Variants in HPGDS observed in about 807,000 individuals in gnomAD.
The protein encoded by HPGDS is hematopoietic prostaglandin D synthase.
Under a neutral mutation model 23.1 loss-of-function variants are expected in HPGDS, and 26 were observed. That is an observed-to-expected ratio of 1.13 (90% CI 0.83 to 1.56). The LOEUF (loss-of-function observed/expected upper bound fraction) is 1.56. HPGDS is among the 40% of genes most tolerant of loss of function. The pLI, the probability that HPGDS is intolerant of heterozygous loss-of-function variation, is 0.00. For missense variants in HPGDS, 268 were observed against 236.4 expected (o/e 1.13, Z -0.88); for synonymous variants, 95 against 77.9 (o/e 1.22, Z -1.16).
intron 3 of HPGDS, among the ~76,000 whole-genome samples, chr4:94,310,411 T>C (rs1021701023): frequency 6.6e-6 from 1 of 152,208 alleles, no homozygotes; most frequent in Non-Finnish European, 1.5e-5. Context: ...TTCTTGTTTT[T>C]GTCAGGTTTG....
intron 3 of HPGDS, among the ~76,000 whole-genome samples, chr4:94,309,265 C>A (rs1002110951): frequency 1.5e-5 from 2 of 134,434 alleles, no homozygotes; most frequent in African/African-American, 5.6e-5. Flanking sequence ...TGCTATCCCT[C>A]CCGCCTCCCC....
chr4:94,314,029 A>C (rs1756339157), intron 3 of HPGDS, among the ~76,000 whole-genome samples: 1 of 152,102 alleles, frequency 6.6e-6, no homozygotes, highest in African/African-American at 2.4e-5. Flanking sequence ...TATTCTAGTT[A>C]GCCATTCATC....
chr4:94,304,779 A>AAAT (rs1756109591), intron 4 of HPGDS, among the ~76,000 whole-genome samples: 2 of 152,090 alleles, frequency 1.3e-5, no homozygotes, highest in African/African-American at 4.8e-5. Flanking sequence ...GTGGTATGTA[A>AAAT]GAGAGTTGTT....
At chr4:94,317,751 T>G in intron 3 of HPGDS, 122 bp downstream of exon 3, 1 of 567,618 alleles carries the variant, frequency 1.8e-6, no homozygotes, top group South Asian at 2.9e-5. Flanking sequence ...TACTTTTCTC[T>G]TATTTAATTC....
intron 2 of HPGDS, among the ~76,000 whole-genome samples, chr4:94,325,800 A>C (rs1756619337): frequency 6.6e-6 from 1 of 151,958 alleles, no homozygotes; most frequent in Non-Finnish European, 1.5e-5. Context: ...CCACTGACCA[A>C]CCTGTCCCAG....
rs1755973016 is a variant in HPGDS at position 94,298,678 on chromosome 4, C to T, written c.*802G>A. The T allele has an allele frequency of 6.6e-6, 1 of 152,188 alleles. No individual in the cohort carries two copies. Among genetic ancestry groups the T allele is most frequent in the South Asian group, 2.1e-4 (1 of 4,832 alleles). 9.4% of individuals were successfully genotyped at this position (152,188 alleles called of 1,614,324 possible). On this transcript the variant is annotated 3_prime_UTR_variant, in exon 6 of 6. Coordinates refer to ENST00000295256, the MANE Select transcript of HPGDS (RefSeq NM_014485.3). Reference sequence around the variant, plus strand: ...GCTTGTCTTCTCCTTCTCTTGATCTCTGGGGTATCTACATTTTTCTCATCA... The same window carrying T: ...GCTTGTCTTCTCCTTCTCTTGATCTTTGGGGTATCTACATTTTTCTCATCA...
chr4:94,326,462 A>G (rs778991272), intron 2 of HPGDS, among the ~76,000 whole-genome samples: 1 of 151,776 alleles, frequency 6.6e-6, no homozygotes, highest in Non-Finnish European at 1.5e-5. Context: ...CCTGTCTTCA[A>G]GTTCAGAAAT....
intron 4 of HPGDS, among the ~76,000 whole-genome samples, chr4:94,302,888 A>AT (rs1229939500): frequency 2.0e-5 from 3 of 151,996 alleles, no homozygotes; most frequent in South Asian, 4.1e-4. Flanking sequence ...TAAAACATCC[A>AT]TTTTTTTAAT....
chr4:94,337,043 C>A (rs777343789), intron 1 of HPGDS, among the ~76,000 whole-genome samples: 3 of 152,174 alleles, frequency 2.0e-5, no homozygotes, highest in Non-Finnish European at 4.4e-5. Flanking sequence ...GGGCTCACTG[C>A]AACCTCCGCC....
At chr4:94,326,193 C>T (rs1303313918) in intron 2 of HPGDS, among the ~76,000 whole-genome samples, 1 of 152,078 alleles carries the variant, frequency 6.6e-6, no homozygotes, top group Non-Finnish European at 1.5e-5. Context: ...TGTTTAATGA[C>T]TTTAATGTTG....
At chr4:94,301,832 A>G (rs907640926) in intron 5 of HPGDS, among the ~76,000 whole-genome samples, 5 of 152,094 alleles carry the variant, frequency 3.3e-5, no homozygotes, top group African/African-American at 1.2e-4. Flanking sequence ...TTCTTGAAAT[A>G]GTTCTTCTCT....
At chr4:94,340,301 C>CTTTCTTTCTTTCTTTT (rs1721118547) in intron 1 of HPGDS, among the ~76,000 whole-genome samples, 1 of 32,172 alleles carries the variant, frequency 3.1e-5, no homozygotes, top group Admixed American at 4.4e-4. Flanking sequence ...TTCTTTCTTT[C>CTTTCTTTCTTTCTTTT]TTTCTTTCTC....
chr4:94,300,856 C>T (rs1030878040), intron 5 of HPGDS, among the ~76,000 whole-genome samples: 1 of 152,066 alleles, frequency 6.6e-6, no homozygotes, highest in Non-Finnish European at 1.5e-5. Context: ...GGGGATTAAG[C>T]GTTCCAGGTA....
At chr4:94,299,666 T>G (rs760724080) in intron 5 of HPGDS, 22 bp from the exon 6 acceptor site, 3 of 1,602,668 alleles carry the variant, frequency 1.9e-6, no homozygotes, top group Admixed American at 1.7e-5. Context: ...GAAACAAACT[T>G]TTCATTTGAA....
rs376310761 is a variant in HPGDS, at chr4:94,308,758, G to A, written c.227-15C>T. On this transcript the variant is annotated splice_polypyrimidine_tract_variant and intron_variant, in intron 3 of 5. Transcript: ENST00000295256. ...TCCAGCCAAATCTGTGGAATAGAGA[G>A]AGGCCCATCAATATGTTTAATTTAC... The A allele has an allele frequency of 7.5e-7, 1 of 1,338,482 alleles. No homozygotes were observed. The highest frequency in any genetic ancestry group is 1.1e-6 in the Non-Finnish European group (1 of 935,142). 82.9% of individuals were successfully genotyped at this position (1,338,482 alleles called of 1,614,324 possible).
chr4:94,340,309 CTCTTTT>C lies in HPGDS; in HGVS notation c.-10+2480_-10+2485del, dbSNP rs1721123475. Among the ~76,000 whole-genome samples the C allele has an allele frequency of 1.3e-3, 38 of 28,788 alleles. 2 individuals carry two copies. The highest frequency in any genetic ancestry group is 4.1e-3 in the African/African-American group (34 of 8,278). The allele number at this position is 28,788 out of a possible 152,430, so 18.9% of individuals were successfully genotyped here. A position where few individuals can be genotyped will look rare whatever the true frequency, so the allele number is the denominator to read the frequency against. On this transcript the variant is annotated intron_variant, in intron 1 of 5. Transcript: ENST00000295256. ...TCTTTCTTTCTTTCTTTCTTTCTTT[CTCTTTT>C]TTTTTTTTTTTTTTTTTTTTTTTTT... is the stretch of plus-strand genomic sequence containing the variant.
chr4:94,318,254 A>C (rs1476864222), intron 2 of HPGDS, among the ~76,000 whole-genome samples: 1 of 152,236 alleles, frequency 6.6e-6, no homozygotes, highest in East Asian at 1.9e-4. Context: ...CTGTTAAAAA[A>C]AATTAATTGT....
At chr4:94,315,316 T>C (rs935612637) in intron 3 of HPGDS, among the ~76,000 whole-genome samples, 1 of 152,180 alleles carries the variant, frequency 6.6e-6, no homozygotes, top group East Asian at 1.9e-4. Flanking sequence ...TAGCCTCAAC[T>C]GATTAGGTTT....
chr4:94,299,195 A>G lies in HPGDS; in HGVS notation c.*285T>C, dbSNP rs374716757. On this transcript the variant is annotated 3_prime_UTR_variant, in exon 6 of 6. Coordinates refer to ENST00000295256, the MANE Select transcript of HPGDS (RefSeq NM_014485.3). ...GGAAGAATGGTGTTGCTAAACCATT[A>G]TGACTGCAATTCGTGCATGTTAGAA... The G allele has an allele frequency of 1.1e-5, 3 of 263,844 alleles. No individual in the cohort carries two copies. The highest frequency in any genetic ancestry group is 1.2e-4 in the South Asian group (1 of 8,190). The allele number at this position is 263,844 out of a possible 1,614,324, so 16.3% of individuals were successfully genotyped here.
Sources: gnomAD v4.1 joint callset for allele counts (sites outside exome capture counted in the v4.1 genomes callset) on GRCh38, gnomAD v4.1.1 for gene constraint, MANE v1.5 for transcripts, NCBI Gene and HGNC (gene_info 2026-07-23, HGNC 2026-07-21) for gene names.